The following REV3L variants were observed in gnomAD, a reference collection of about 807,000 sequenced individuals.
REV3L encodes the protein REV3 like, DNA directed polymerase zeta catalytic subunit, also known as DNA polymerase zeta catalytic subunit.
In REV3L, 69 loss-of-function variants were observed where a neutral mutation model predicts 299.4. The ratio of observed to expected loss-of-function variants is 0.23; its 90% confidence interval spans 0.19 to 0.28. REV3L has a LOEUF of 0.28. REV3L is among the 10% of genes least tolerant of loss of function. The pLI is 1.00. For missense variants in REV3L, 3,128 were observed against 3,693.8 expected, an observed-to-expected ratio of 0.85 and a Z score of 3.97; for synonymous variants, 1,238 against 1,271.4, an observed-to-expected ratio of 0.97 and a Z score of 0.56.
chr6:111,472,203 T>C, intron 1 of REV3L: 1 of 1,052,710 alleles, frequency 9.5e-7, no homozygotes, highest in Non-Finnish European at 1.2e-6. Flanking sequence ...GCCAACATGT[T>C]TTAACTTTAC....
chr6:111,307,800 T>C, intron 30 of REV3L: 1 of 507,504 alleles, frequency 2.0e-6, no homozygotes, highest in East Asian at 3.4e-5. Context: ...AGATACATTT[T>C]TTTTTTATTA....
chr6:111,448,472 C>A (rs1789120687), intron 1 of REV3L, among the ~76,000 whole-genome samples: 1 of 151,912 alleles, frequency 6.6e-6, no homozygotes. Context: ...GTAGCTGGGA[C>A]CACAGGCACC....
chr6:111,420,711 G>A, intron 1 of REV3L, among the ~76,000 whole-genome samples: 1 of 152,192 alleles, frequency 6.6e-6, no homozygotes, highest in East Asian at 1.9e-4. Flanking sequence ...ACCAAAACTT[G>A]ACACCATGGC....
At chr6:111,370,781 G>GC (rs1779723048) in intron 13 of REV3L, among the ~76,000 whole-genome samples, 2 of 151,962 alleles carry the variant, frequency 1.3e-5, no homozygotes, top group African/African-American at 4.8e-5. Context: ...TATCCCTTGT[G>GC]CCCCCACACA....
At chr6:111,440,551 T>C (rs551607076) in intron 1 of REV3L, among the ~76,000 whole-genome samples, 1 of 152,226 alleles carries the variant, frequency 6.6e-6, no homozygotes, top group Non-Finnish European at 1.5e-5. Context: ...CCTTATAAAA[T>C]TGCTGCCATT....
chr6:111,357,348 A>G (rs1396122191), intron 17 of REV3L, among the ~76,000 whole-genome samples: 1 of 152,160 alleles, frequency 6.6e-6, no homozygotes, highest in African/African-American at 2.4e-5. Context: ...CAAATTTTGT[A>G]TTTTCAGCTA....
At chr6:111,307,330 G>T in intron 31 of REV3L, 31 bp downstream of exon 31, 2 of 1,572,966 alleles carry the variant, frequency 1.3e-6, no homozygotes, top group Non-Finnish European at 1.8e-6. Context: ...CAGACTGCTT[G>T]TGATTCTGGG....
chr6:111,430,849 A>AAGAAAACC (rs1479585795), intron 1 of REV3L: 1 of 1,606,958 alleles, frequency 6.2e-7, no homozygotes. Flanking sequence ...AATTGGAAAG[A>AAGAAAACC]AGAAAACCAG....
At chr6:111,421,597 C>T (rs1014420747) in intron 1 of REV3L, among the ~76,000 whole-genome samples, 2 of 151,774 alleles carry the variant, frequency 1.3e-5, no homozygotes, top group Non-Finnish European at 2.9e-5. Context: ...TCTCCATCAT[C>T]ATCTGGAATA....
chr6:111,474,550 T>A (rs1792674576), intron 1 of REV3L, among the ~76,000 whole-genome samples: 1 of 152,246 alleles, frequency 6.6e-6, no homozygotes, highest in Non-Finnish European at 1.5e-5. Context: ...AGCAGTATGC[T>A]GCTTTTAACT....
At position 111,299,840 on chromosome 6, in the gene REV3L, A is replaced by G. The variant is rs1403097722; in HGVS notation, c.*176T>C. On this transcript the variant is annotated 3_prime_UTR_variant, in exon 32 of 32. Coordinates refer to ENST00000368802, the MANE Select transcript of REV3L (RefSeq NM_001372078.1). ...AGGAATTTGTACATTGTAAGAAGTGAGCTATTCAGAGATCAACAAGTACAT... is the reference window on the plus strand; with the variant it reads ...AGGAATTTGTACATTGTAAGAAGTGGGCTATTCAGAGATCAACAAGTACAT... The G allele has an allele frequency of 4.0e-6, 2 of 499,320 alleles. No individual in the cohort carries two copies. Among genetic ancestry groups the G allele is most frequent in the Admixed American group, 4.0e-5 (1 of 24,978 alleles). 30.9% of individuals were successfully genotyped at this position (499,320 alleles called of 1,614,324 possible). A position where few individuals can be genotyped will look rare whatever the true frequency, so the allele number is the denominator to read the frequency against.
chr6:111,348,519 T>C (rs1777250813), intron 20 of REV3L, among the ~76,000 whole-genome samples: 1 of 152,222 alleles, frequency 6.6e-6, no homozygotes, highest in Non-Finnish European at 1.5e-5. Flanking sequence ...AGCTCCTTCC[T>C]ATTTCTAGAC....
intron 1 of REV3L, among the ~76,000 whole-genome samples, chr6:111,482,362 C>A (rs1281393844): frequency 1.3e-5 from 2 of 152,220 alleles, no homozygotes; most frequent in Admixed American, 6.5e-5. Flanking sequence ...AGCGACCGAC[C>A]TCAGAGCAGG....
At chr6:111,346,816 G>C (rs1258695518) in intron 20 of REV3L, among the ~76,000 whole-genome samples, 1 of 152,128 alleles carries the variant, frequency 6.6e-6, no homozygotes, top group Non-Finnish European at 1.5e-5. Context: ...AAAAATATTT[G>C]TTCTCTAATT....
intron 4 of REV3L, among the ~76,000 whole-genome samples, chr6:111,401,836 C>A (rs1375220330): frequency 6.6e-6 from 1 of 152,094 alleles, no homozygotes; most frequent in Non-Finnish European, 1.5e-5. Context: ...GGAGGCCAGG[C>A]ATGGTGGCTC....
rs3218579 is a variant in REV3L at position 111,381,351 on chromosome 6, T to G, written c.1190A>C (p.Gln397Pro). 4.9e-4 allele frequency: 796 copies of G among 1,613,718 alleles called. 15 individuals are homozygous for G. In the South Asian group the frequency reaches 8.3e-3, roughly 17 times the overall value. Residue 397 changes from glutamine (Q) to proline (P), a missense_variant, in exon 10 of 32, where the codon CAA (glutamine) becomes CCA (proline). Physicochemically the swap from Gln to Pro is moderately conservative, Grantham distance 76 (BLOSUM62 -1). Coordinates refer to ENST00000368802, the MANE Select transcript of REV3L (RefSeq NM_001372078.1). ...ENSQTFQPLTQRLSESPVFMD... is the reference protein window; with the variant it reads ...ENSQTFQPLTPRLSESPVFMD... Reference sequence around the variant, plus strand: ...GAAAACAGGTGACTCACTCAGTCTTTGGGTCAAAGGCTGAAAAGTCTGACT... The same window carrying G: ...GAAAACAGGTGACTCACTCAGTCTTGGGGTCAAAGGCTGAAAAGTCTGACT...
intron 17 of REV3L, 121 bp downstream of exon 17, chr6:111,358,701 A>G (rs1324446291): frequency 2.8e-6 from 2 of 719,978 alleles, no homozygotes; most frequent in South Asian, 2.6e-5. Context: ...CCCCTACCTC[A>G]GCAAACATTT....
At chr6:111,337,413 G>A (rs908659042) in intron 21 of REV3L, among the ~76,000 whole-genome samples, 11 of 152,104 alleles carry the variant, frequency 7.2e-5, no homozygotes, top group East Asian at 5.8e-4. Flanking sequence ...GCTATCGAGC[G>A]TGCTATTGTA....
At chr6:111,397,873 G>A (rs1782687397) in intron 4 of REV3L, among the ~76,000 whole-genome samples, 1 of 151,984 alleles carries the variant, frequency 6.6e-6, no homozygotes, top group Admixed American at 6.5e-5. Context: ...CTGGGCTCAA[G>A]CAATCCTCCT....
Sources: allele counts gnomAD v4.1 joint callset (sites outside exome capture counted in the v4.1 genomes callset), GRCh38; gene constraint gnomAD v4.1.1; transcripts MANE v1.5; gene names NCBI Gene and HGNC (gene_info 2026-07-23, HGNC 2026-07-21).